Variants in PCDHGB5 observed in about 807,000 individuals in gnomAD.
PCDHGB5 encodes the protein protocadherin gamma subfamily B, 5.
PCDHGB5 carries 48 observed loss-of-function variants against 62.9 expected under a neutral mutation model. The ratio of observed to expected loss-of-function variants is 0.76; its 90% CI spans 0.61 to 0.97. PCDHGB5 has a LOEUF of 0.97. Among genes scored for constraint, PCDHGB5 ranks in the 50% least tolerant of loss-of-function variants. PCDHGB5 has a pLI of 0.00. For missense variants in PCDHGB5, 1,118 were observed against 1,198.6 expected (o/e 0.93, Z 0.99); for synonymous variants, 474 against 511.2 (o/e 0.93, Z 0.98).
chr5:141,477,482 C>G lies in PCDHGB5; in HGVS notation c.2398-17325C>G, dbSNP rs1168724444. On this transcript the variant is annotated intron_variant, in intron 1 of 3. Transcript: ENST00000617380. This position sits in a 1 kb window ranked among gnomAD's most constrained non-coding sequence, Gnocchi z 4.9. ...GTCCGACATCAATGACAACCCTCCA[C>G]AATCTTCTCAATCTTCCTACGACGT... 1 of 1,614,118 alleles carries G rather than the reference C, an allele frequency of 6.2e-7. No individual in the cohort carries two copies. The highest frequency in any genetic ancestry group is 1.1e-5 in the South Asian group (1 of 91,074).
intron 1 of PCDHGB5, chr5:141,419,278 A>G: frequency 6.2e-7 from 1 of 1,614,038 alleles, no homozygotes; most frequent in Non-Finnish European, 8.5e-7. Context: ...CCATAGCGCA[A>G]GTCAGTGCCT....
At chr5:141,503,620 A>C (rs1475731896) in intron 2 of PCDHGB5, among the ~76,000 whole-genome samples, 1 of 152,026 alleles carries the variant, frequency 6.6e-6, no homozygotes, top group East Asian at 1.9e-4. Flanking sequence ...AAAAAGAAAA[A>C]AGAAAAGAAA....
At chr5:141,443,317 C>A (rs898636207) in intron 1 of PCDHGB5, among the ~76,000 whole-genome samples, 39 of 142,046 alleles carry the variant, frequency 2.7e-4, no homozygotes, top group Non-Finnish European at 2.5e-4. Context: ...CCCATCTCTA[C>A]AAAAAAAAAA....
intron 1 of PCDHGB5, among the ~76,000 whole-genome samples, chr5:141,472,542 GA>G (rs904556404): frequency 1.6e-4 from 23 of 147,144 alleles, no homozygotes; most frequent in African/African-American, 4.2e-4. Context: ...ACCATCTCAA[GA>G]AAAAAAAAAT....
intron 1 of PCDHGB5, chr5:141,403,041 A>T: frequency 6.2e-7 from 1 of 1,614,084 alleles, no homozygotes; most frequent in Non-Finnish European, 8.5e-7. Flanking sequence ...AGGGCCAGTC[A>T]GATTCGCTAC....
chr5:141,431,053 G>A lies in PCDHGB5; in HGVS notation c.2397+30529G>A, dbSNP rs1208370015. On this transcript the variant is annotated intron_variant, in intron 1 of 3. Coordinates refer to ENST00000617380, the MANE Select transcript of PCDHGB5 (RefSeq NM_018925.3). This position sits in a 1 kb window ranked among gnomAD's most constrained non-coding sequence, Gnocchi z 4.8. ...TAGACCGGGAGGAGCTCTGTATGGG[G>A]GCCATCAAGTGTCAATTAAATCTAG... 1 of 1,614,174 alleles carries A rather than the reference G, an allele frequency of 6.2e-7. No homozygotes were observed. Among genetic ancestry groups the A allele is most frequent in the Admixed American group, 1.7e-5 (1 of 60,030 alleles).
intron 1 of PCDHGB5, among the ~76,000 whole-genome samples, chr5:141,469,538 G>A (rs2099204234): frequency 6.6e-6 from 1 of 152,168 alleles, no homozygotes; most frequent in Non-Finnish European, 1.5e-5. Flanking sequence ...TTGTGCCACT[G>A]CACTCCAGCC....
intron 1 of PCDHGB5, among the ~76,000 whole-genome samples, chr5:141,425,048 T>C (rs1590618422): frequency 6.6e-6 from 1 of 152,350 alleles, no homozygotes; most frequent in African/African-American, 2.4e-5. Flanking sequence ...AAACTGACTA[T>C]CTAGGGCTCG....
chr5:141,404,651 C>T, intron 1 of PCDHGB5: 2 of 1,614,184 alleles, frequency 1.2e-6, no homozygotes, highest in Non-Finnish European at 1.7e-6. Flanking sequence ...GTACCCTGCC[C>T]TCCCCACTGA....
At chr5:141,409,276 G>A (rs1458443407) in intron 1 of PCDHGB5, 5 of 1,613,882 alleles carry the variant, frequency 3.1e-6, no homozygotes, top group African/African-American at 2.7e-5. Context: ...AGATTTTGGA[G>A]AATTCACCTC....
chr5:141,476,711 G>C lies in PCDHGB5; in HGVS notation c.2398-18096G>C. 1 of 1,614,194 alleles carries C rather than the reference G, an allele frequency of 6.2e-7. No individual in the cohort carries two copies. The highest frequency in any genetic ancestry group is 8.5e-7 in the Non-Finnish European group (1 of 1,180,042). On this transcript the variant is annotated intron_variant, in intron 1 of 3. Coordinates refer to ENST00000617380, the MANE Select transcript of PCDHGB5 (RefSeq NM_018925.3). This position sits in a 1 kb window ranked among gnomAD's most constrained non-coding sequence, Gnocchi z 7.6. ...CACCAAGTACGCGGAGCTGGTGTTG[G>C]AGCGCGCCCTGGACCGAGAACGGGA...
intron 1 of PCDHGB5, chr5:141,409,931 A>G: frequency 1.2e-6 from 2 of 1,613,260 alleles, no homozygotes; most frequent in Non-Finnish European, 1.7e-6. Flanking sequence ...GTTCTTCGAT[A>G]TGGTACCTCG....
chr5:141,489,300 C>A lies in PCDHGB5; in HGVS notation c.2398-5507C>A. On this transcript the variant is annotated intron_variant, in intron 1 of 3. Coordinates refer to ENST00000617380, the MANE Select transcript of PCDHGB5 (RefSeq NM_018925.3). The surrounding 1 kb of genome is among the most constrained non-coding windows in gnomAD (Gnocchi z 4.5). ...AATGGCAAGTGCTGTGCATGTTGTC[C>A]TTGTGCTGCTGGGGCTGGGTGTCTG... 1 of 1,585,698 alleles carries A rather than the reference C, an allele frequency of 6.3e-7. No homozygotes were observed. Among genetic ancestry groups the A allele is most frequent in the South Asian group, 1.2e-5 (1 of 85,012 alleles).
chr5:141,405,176 G>A (rs917679696), intron 1 of PCDHGB5: 3 of 1,614,068 alleles, frequency 1.9e-6, no homozygotes, highest in Non-Finnish European at 2.5e-6. Context: ...ACACTTTGTG[G>A]GTGTAGATGG....
intron 1 of PCDHGB5, chr5:141,403,695 G>A (rs376074779): frequency 6.2e-7 from 1 of 1,613,780 alleles, no homozygotes; most frequent in Non-Finnish European, 8.5e-7. Flanking sequence ...CGGATTTACC[G>A]AGTTAAAGTC....
rs1355278714 is a variant in PCDHGB5 at position 141,398,651 on chromosome 5, A to G, written c.524A>G (p.Asn175Ser). 10 of 1,613,998 alleles carry G rather than the reference A, an allele frequency of 6.2e-6. No homozygotes were observed. The South Asian group carries it at 1.1e-4, about 18-fold the overall frequency. The change falls in exon 1 of 4, where the codon AAC (asparagine) becomes AGC (serine). Residue 175 changes from asparagine (N) to serine (S), a missense_variant. Asn to Ser is a conservative substitution (Grantham distance 46). Around this residue, in one of 2 missense-constraint regions of PCDHGB5, gnomAD observed 1,034 missense variants for 1,029.1 expected, o/e 1.00. Coordinates refer to ENST00000617380, the MANE Select transcript of PCDHGB5 (RefSeq NM_018925.3). ...NSLQKYKLSL[N>S]PSFSLIIKEK... ...CTGCAGAAGTATAAACTCTCTCTTA[A>G]CCCAAGTTTCTCATTAATAATTAAG... is the stretch of plus-strand genomic sequence containing the variant.
At position 141,432,455 on chromosome 5, in the gene PCDHGB5, G is replaced by A; in HGVS notation, c.2397+31931G>A. The A allele has an allele frequency of 6.2e-7, 1 of 1,614,176 alleles. No individual in the cohort carries two copies. The highest frequency in any genetic ancestry group is 8.5e-7 in the Non-Finnish European group (1 of 1,180,042). On this transcript the variant is annotated intron_variant, in intron 1 of 3. Transcript: ENST00000617380. The surrounding 1 kb of genome is among the most constrained non-coding windows in gnomAD (Gnocchi z 6.0). ...CAATGCGCCCGAGATCCTGTACCCCGCCCTCCCCACGGACGGTTCCACTGG... is the reference window on the plus strand; with the variant it reads ...CAATGCGCCCGAGATCCTGTACCCCACCCTCCCCACGGACGGTTCCACTGG...
intron 1 of PCDHGB5, chr5:141,408,692 ATAAAC>A: frequency 1.2e-6 from 2 of 1,613,906 alleles, no homozygotes; most frequent in Non-Finnish European, 1.7e-6. Flanking sequence ...TGATATAAAC[ATAAAC>A]TCAATTAAAG....
chr5:141,412,952 T>C, intron 1 of PCDHGB5: 1 of 482,218 alleles, frequency 2.1e-6, no homozygotes, highest in Non-Finnish European at 3.6e-6. Context: ...AGCGCCGCTG[T>C]TCACCTACTA....
Sources: allele counts gnomAD v4.1 joint callset (sites outside exome capture counted in the v4.1 genomes callset), GRCh38; gene constraint gnomAD v4.1.1; regional missense constraint gnomAD v4.1.1; non-coding constraint Gnocchi (gnomAD v3.1); transcripts MANE v1.5; gene names NCBI Gene and HGNC (gene_info 2026-07-23, HGNC 2026-07-21).